The following TRAF3IP1 variants were observed in gnomAD, a reference collection of about 807,000 sequenced individuals.
The protein encoded by TRAF3IP1 is intraflagellar transport 54.
In TRAF3IP1, 53 loss-of-function variants were observed where a neutral mutation model predicts 89.9. That is an observed-to-expected ratio of 0.59 (90% CI 0.47 to 0.74). The LOEUF is 0.74. Among genes scored for constraint, TRAF3IP1 ranks in the 30% least tolerant of loss-of-function variants. The probability of loss-of-function intolerance (pLI) is 0.00; values close to 1 mark genes in which losing one functional copy is unlikely to be tolerated. For synonymous variants in TRAF3IP1, 311 were observed against 322.1 expected (o/e 0.97, Z 0.37); for missense variants, 806 against 866.1 (o/e 0.93, Z 0.87).
In TRAF3IP1 at chr2:238,345,690, A is replaced by G. The variant is rs559193645; in HGVS notation, c.1261+1092A>G. Among the ~76,000 whole-genome samples the G allele has an allele frequency of 1.6e-3, 247 of 152,258 alleles. No individual in the cohort carries two copies. The highest frequency in any genetic ancestry group is 5.6e-3 in the African/African-American group (234 of 41,548). Reference sequence around the variant, plus strand: ...GGGAGGGGAGAAGTGGTAGGATTCCAGGGCTGCTGGCACGTGCTGGGGGAG... The same window carrying G: ...GGGAGGGGAGAAGTGGTAGGATTCCGGGGCTGCTGGCACGTGCTGGGGGAG... On this transcript the variant is annotated intron_variant, in intron 9 of 16. Coordinates refer to ENST00000373327, the MANE Select transcript of TRAF3IP1 (RefSeq NM_015650.4). The surrounding 1 kb of genome is among the most constrained non-coding windows in gnomAD (Gnocchi z 4.7).
Position 238,320,782 on chromosome 2 carries a change from G to C in TRAF3IP1, c.120G>C (p.Thr40=). 2 of 1,416,504 alleles carry C rather than the reference G, an allele frequency of 1.4e-6. No individual in the cohort carries two copies. The highest frequency in any genetic ancestry group is 1.9e-6 in the Non-Finnish European group (2 of 1,070,340). The allele number at this position is 1,416,504 out of a possible 1,614,324, so 87.7% of individuals were successfully genotyped here. The part of the protein sequence containing the change: ...PPFRYLHDII[T]EVIRMTGFMK... The stretch of plus-strand genomic sequence containing the variant: ...TCCGCTACCTGCACGACATCATCAC[G>C]GAGGTGGGCGCCGGGGACCGGGCCC... The change falls in exon 1 of 17, where the codon ACG becomes ACC. Residue 40 remains threonine (T), a synonymous_variant. Transcript: ENST00000373327.
intron 15 of TRAF3IP1, among the ~76,000 whole-genome samples, chr2:238,374,413 T>C (rs533009391): frequency 5.3e-4 from 81 of 152,370 alleles, no homozygotes; most frequent in African/African-American, 1.9e-3. Context: ...GTTCTGTTTA[T>C]GTGATGGATT....
chr2:238,360,452 C>T (rs1372508072), intron 15 of TRAF3IP1, among the ~76,000 whole-genome samples: 1 of 151,980 alleles, frequency 6.6e-6, no homozygotes, highest in African/African-American at 2.4e-5. Flanking sequence ...CATAGGGAGA[C>T]CCTGTCTCTA....
intron 15 of TRAF3IP1, among the ~76,000 whole-genome samples, chr2:238,384,919 T>C (rs1700703387): frequency 6.6e-6 from 1 of 152,212 alleles, no homozygotes; most frequent in Non-Finnish European, 1.5e-5. Flanking sequence ...TAGTAGTTTC[T>C]CCAGTATTTT....
intron 12 of TRAF3IP1, among the ~76,000 whole-genome samples, chr2:238,350,448 AG>A (rs1699099479): frequency 6.6e-6 from 1 of 152,062 alleles, no homozygotes. Context: ...GAGCCGTAAG[AG>A]GGTCTGGGGG....
Position 238,345,172 on chromosome 2 carries a change from T to A in TRAF3IP1, c.1261+574T>A, listed in dbSNP as rs1421265281. 6.6e-6 allele frequency among the ~76,000 whole-genome samples: 1 copy of A among 151,808 alleles called. No homozygotes were observed. The highest frequency in any genetic ancestry group is 1.5e-5 in the Non-Finnish European group (1 of 67,944). On this transcript the variant is annotated intron_variant, in intron 9 of 16. Coordinates refer to ENST00000373327, the MANE Select transcript of TRAF3IP1 (RefSeq NM_015650.4). This position sits in a 1 kb window ranked among gnomAD's most constrained non-coding sequence, Gnocchi z 4.7. ...TGCAGGTGGCAGCGGCAGGGTGGGG[T>A]GTGGCCAGGGGAGGGCTGATGTTTG...
chr2:238,392,314 G>A (rs548320954), intron 15 of TRAF3IP1, among the ~76,000 whole-genome samples: 1 of 152,254 alleles, frequency 6.6e-6, no homozygotes, highest in Admixed American at 6.5e-5. Context: ...CCAGGATATT[G>A]ACAATGAAAC....
In TRAF3IP1 at chr2:238,352,834, A is replaced by G. The variant is rs1377719257; in HGVS notation, c.1459A>G (p.Ser487Gly). The stretch of plus-strand genomic sequence containing the variant: ...TAATTTCTTTTTATTTAGGTCAGGG[A>G]GTGGTAAAACCGTTTCAAATGTGAT... The part of the protein sequence containing the change: ...MEALQMDRSG[S>G]GKTVSNVITE... The change falls in exon 13 of 17, where the codon AGT becomes GGT. Residue 487 changes from serine to glycine, a missense_variant. Transcript: ENST00000373327. 1.2e-6 allele frequency: 2 copies of G among 1,607,328 alleles called. No homozygotes were observed.
chr2:238,321,238 C>T (rs1697526577), intron 1 of TRAF3IP1, among the ~76,000 whole-genome samples: 1 of 152,332 alleles, frequency 6.6e-6, no homozygotes, highest in Non-Finnish European at 1.5e-5. Context: ...GTGCATCTTC[C>T]ATTATTGCTG....
At chr2:238,389,534 G>A (rs1475226289) in intron 15 of TRAF3IP1, among the ~76,000 whole-genome samples, 1 of 152,028 alleles carries the variant, frequency 6.6e-6, no homozygotes, top group African/African-American at 2.4e-5. Flanking sequence ...GATCACTTGA[G>A]GTCAGGAGTT....
chr2:238,323,390 A>G (rs1697658983), intron 1 of TRAF3IP1, among the ~76,000 whole-genome samples: 1 of 152,154 alleles, frequency 6.6e-6, no homozygotes. Context: ...ATTGCTCACA[A>G]TTTTAACTGC....
chr2:238,390,011 C>T (rs977919084), intron 15 of TRAF3IP1, among the ~76,000 whole-genome samples: 2 of 152,142 alleles, frequency 1.3e-5, no homozygotes, highest in South Asian at 2.1e-4. Context: ...TGTGTGCGCA[C>T]GTGAGCACAT....
intron 6 of TRAF3IP1, 111 bp downstream of exon 6, chr2:238,333,006 G>T (rs1406033861): frequency 9.1e-6 from 7 of 772,252 alleles, no homozygotes; most frequent in Non-Finnish European, 1.6e-5. Context: ...ACATGGTCTG[G>T]GCCTATCTGT....
intron 15 of TRAF3IP1, among the ~76,000 whole-genome samples, chr2:238,365,556 G>A: frequency 6.6e-6 from 1 of 152,094 alleles, no homozygotes; most frequent in East Asian, 1.9e-4. Flanking sequence ...CACTCGGGAG[G>A]CTGAGGCAGA....
In TRAF3IP1 at chr2:238,351,020, C is replaced by T. The variant is rs903678905; in HGVS notation, c.1451+1612C>T. Among the ~76,000 whole-genome samples, 1 of 151,962 alleles carries T rather than the reference C, an allele frequency of 6.6e-6. No individual in the cohort carries two copies. The highest frequency in any genetic ancestry group is 1.5e-5 in the Non-Finnish European group (1 of 68,002). On this transcript the variant is annotated intron_variant, in intron 12 of 16. Transcript: ENST00000373327. This position sits in a 1 kb window ranked among gnomAD's most constrained non-coding sequence, Gnocchi z 5.2. Reference sequence around the variant, plus strand: ...ATTAGGATTGAGAGGCTGAAGGTGCCGGATGGATAGAAGGATTGTTGGAGT... The same window carrying T: ...ATTAGGATTGAGAGGCTGAAGGTGCTGGATGGATAGAAGGATTGTTGGAGT...
At chr2:238,364,346 GCT>G (rs1699784935) in intron 15 of TRAF3IP1, among the ~76,000 whole-genome samples, 1 of 151,414 alleles carries the variant, frequency 6.6e-6, no homozygotes. Flanking sequence ...TGACTTTTTT[GCT>G]CTCTTTTCAA....
In TRAF3IP1 at chr2:238,384,182, C is replaced by T. The variant is rs559914932; in HGVS notation, c.1690-13277C>T. On this transcript the variant is annotated intron_variant, in intron 15 of 16. Coordinates refer to ENST00000373327, the MANE Select transcript of TRAF3IP1 (RefSeq NM_015650.4). The stretch of plus-strand genomic sequence containing the variant: ...ATCCCCACACAAGATCTGGGGCACT[C>T]GTGGGCTGGCCTCCTGAGTGTCCCT... Among the ~76,000 whole-genome samples the T allele has an allele frequency of 2.9e-4, 44 of 152,172 alleles. No individual in the cohort carries two copies. The South Asian group carries it at 3.5e-3, about 12-fold the overall frequency.
Position 238,348,312 on chromosome 2 carries a change from G to A in TRAF3IP1, c.1283-452G>A, listed in dbSNP as rs562572656. On this transcript the variant is annotated intron_variant, in intron 10 of 16. Coordinates refer to ENST00000373327, the MANE Select transcript of TRAF3IP1 (RefSeq NM_015650.4). ...TATATATATGCATATGTATATAATT[G>A]TTAGATATATTACTGTACTGGATTG... 2.0e-5 allele frequency among the ~76,000 whole-genome samples: 3 copies of A among 152,126 alleles called. No homozygotes were observed. In the South Asian group the frequency reaches 6.2e-4, roughly 32 times the overall value.
rs569804252 is a variant in TRAF3IP1, at chr2:238,339,551, C to T, written c.1159+1094C>T. On this transcript the variant is annotated intron_variant, in intron 8 of 16. Coordinates refer to ENST00000373327, the MANE Select transcript of TRAF3IP1 (RefSeq NM_015650.4). ...GGGGTGGACTCCTGGTAGCCCCCAC[C>T]CAGCTAGCTAGGACCTCATCTCTGA... Among the ~76,000 whole-genome samples the T allele has an allele frequency of 5.9e-5, 9 of 152,368 alleles. No individual in the cohort carries two copies. The South Asian group carries it at 1.7e-3, about 28-fold the overall frequency.
Sources: allele counts gnomAD v4.1 joint callset (sites outside exome capture counted in the v4.1 genomes callset), GRCh38; gene constraint gnomAD v4.1.1; non-coding constraint Gnocchi (gnomAD v3.1); transcripts MANE v1.5; gene names NCBI Gene and HGNC (gene_info 2026-07-23, HGNC 2026-07-21).